Variants in ADGRE2 observed in about 807,000 individuals in gnomAD.
The protein encoded by ADGRE2 is CD97 antigen.
Under a neutral mutation model 100.8 loss-of-function variants are expected in ADGRE2, and 83 were observed. The ratio of observed to expected loss-of-function variants is 0.82; its 90% CI spans 0.69 to 0.99. The LOEUF (loss-of-function observed/expected upper bound fraction) is 0.99, where lower values mean the gene tolerates loss of function less well. Among genes scored for constraint, ADGRE2 ranks in the 50% least tolerant of loss-of-function variants. The pLI, the probability that ADGRE2 is intolerant of heterozygous loss-of-function variation, is 0.00. For missense variants in ADGRE2, 814 were observed against 1,035.7 expected (o/e 0.79, Z 2.94); for synonymous variants, 355 against 413.0 (o/e 0.86, Z 1.70).
intron 15 of ADGRE2, among the ~76,000 whole-genome samples, chr19:14,751,945 TTTTTTG>T (rs1477919028): frequency 4.3e-4 from 50 of 115,620 alleles, no homozygotes; most frequent in Non-Finnish European, 8.7e-4. Context: ...TTTTTTTTTT[TTTTTTG>T]AGACGGAATT....
At chr19:14,754,191 G>C (rs1408763730) in intron 14 of ADGRE2, among the ~76,000 whole-genome samples, 1 of 152,016 alleles carries the variant, frequency 6.6e-6, no homozygotes, top group Non-Finnish European at 1.5e-5. Flanking sequence ...TCTGGGACTC[G>C]GACTGGCTCT....
At chr19:14,751,927 ATATATTT>A (rs1216853407) in intron 15 of ADGRE2, among the ~76,000 whole-genome samples, 2,064 of 75,430 alleles carry the variant, frequency 0.027, 11 homozygotes, top group African/African-American at 0.061. Context: ...ATATATATAT[ATATATTT>A]TTTTTTTTTT....
chr19:14,742,502 G>A (rs1360512949), intron 20 of ADGRE2, among the ~76,000 whole-genome samples: 1 of 152,168 alleles, frequency 6.6e-6, no homozygotes, highest in Non-Finnish European at 1.5e-5. Context: ...AAAGTGCTGG[G>A]ATTACAGGCA....
chr19:14,736,273 G>T, intron 20 of ADGRE2, 29 bp from the exon 21 acceptor site: 3 of 1,447,002 alleles, frequency 2.1e-6, no homozygotes, highest in Non-Finnish European at 1.9e-6. Flanking sequence ...TATGTATTTT[G>T]TTGTTGAGAC....
chr19:14,728,019 G>A (rs989438428), downstream of ADGRE2, among the ~76,000 whole-genome samples: 39 of 152,278 alleles, frequency 2.6e-4, no homozygotes, highest in Admixed American at 7.2e-4. Context: ...TCAGGAGATC[G>A]AGACCATCCT....
Position 14,752,384 on chromosome 19 carries a change from C to T in ADGRE2, c.1733G>A (p.Cys578Tyr). Residue 578 changes from cysteine (C) to tyrosine (Y), a missense_variant, in exon 15 of 21, where the codon TGC (cysteine) becomes TAC (tyrosine). Physicochemically the swap from Cys to Tyr is radical, Grantham distance 194. Coordinates refer to ENST00000315576, the MANE Select transcript of ADGRE2 (RefSeq NM_013447.4). ...STSLHLQLSL[C>Y]LFLAHLLFLV... ...GAAGAGGAGGTGGGCCAGGAAGAGGCAGAGCGAGAGCTGCAGATGCAGTGA... is the reference window on the plus strand; with the variant it reads ...GAAGAGGAGGTGGGCCAGGAAGAGGTAGAGCGAGAGCTGCAGATGCAGTGA... The T allele has an allele frequency of 6.2e-7, 1 of 1,614,152 alleles. No homozygotes were observed. Among genetic ancestry groups the T allele is most frequent in the Non-Finnish European group, 8.5e-7 (1 of 1,180,028 alleles).
chr19:14,764,334 C>G, intron 11 of ADGRE2, 99 bp downstream of exon 11: 1 of 1,064,802 alleles, frequency 9.4e-7, no homozygotes, highest in Non-Finnish European at 1.4e-6. Flanking sequence ...GAGAGTAACA[C>G]TGATATACAG....
intron 20 of ADGRE2, among the ~76,000 whole-genome samples, chr19:14,740,528 G>A (rs1313148378): frequency 2.6e-5 from 4 of 151,064 alleles, no homozygotes; most frequent in African/African-American, 4.9e-5. Context: ...GGTGGAGGCA[G>A]GAGAATCGCT....
In ADGRE2 at chr19:14,773,378, C is replaced by T. The variant is rs529427061; in HGVS notation, c.199+560G>A. The stretch of plus-strand genomic sequence containing the variant: ...CCTCTCTCTCTTTTTCTTTTCTTCT[C>T]TTTTCTTTCTCTCCTTCTCTCTTTC... On this transcript the variant is annotated intron_variant, in intron 4 of 20. Transcript: ENST00000315576. Among the ~76,000 whole-genome samples the T allele has an allele frequency of 2.3e-4, 27 of 118,070 alleles. No homozygotes were observed. The South Asian group carries it at 4.3e-3, about 19-fold the overall frequency. The allele number at this position is 118,070 out of a possible 152,430, so 77.5% of individuals were successfully genotyped here. A position where few individuals can be genotyped will look rare whatever the true frequency, so the allele number is the denominator to read the frequency against.
chr19:14,778,378 C>T lies in ADGRE2; in HGVS notation c.-293G>A. 2 of 440,458 alleles carry T rather than the reference C, an allele frequency of 4.5e-6. No homozygotes were observed. The highest frequency in any genetic ancestry group is 6.0e-6 in the Non-Finnish European group (2 of 331,560). 27.3% of individuals were successfully genotyped at this position (440,458 alleles called of 1,614,324 possible). On this transcript the variant is annotated 5_prime_UTR_variant, in exon 1 of 21. Coordinates refer to ENST00000315576, the MANE Select transcript of ADGRE2 (RefSeq NM_013447.4). Reference sequence around the variant, plus strand: ...GAGCTAAGATGGTGCCACTGCACTCCAGCTTGGGTGATAGAGTGAGACCCT... The same window carrying T: ...GAGCTAAGATGGTGCCACTGCACTCTAGCTTGGGTGATAGAGTGAGACCCT...
Position 14,746,216 on chromosome 19 carries a change from C to T in ADGRE2, c.2183+16G>A. 1 of 1,470,140 alleles carries T rather than the reference C, an allele frequency of 6.8e-7. No individual in the cohort carries two copies. Among genetic ancestry groups the T allele is most frequent in the Middle Eastern group, 1.7e-4 (1 of 5,784 alleles). 91.1% of individuals were successfully genotyped at this position (1,470,140 alleles called of 1,614,324 possible). A position where few individuals can be genotyped will look rare whatever the true frequency, so the allele number is the denominator to read the frequency against. On this transcript the variant is annotated intron_variant, in intron 18 of 20. Coordinates refer to ENST00000315576, the MANE Select transcript of ADGRE2 (RefSeq NM_013447.4). The stretch of plus-strand genomic sequence containing the variant: ...CATACATGTCTGTGTGGTTATCACC[C>T]CCTTCTCCATCTTACCTTGTGTTCC...
At chr19:14,727,198 T>G in the ADGRE2 span, among the ~76,000 whole-genome samples, 1 of 152,062 alleles carries the variant, frequency 6.6e-6, no homozygotes, top group Non-Finnish European at 1.5e-5. Flanking sequence ...TGGCTAATTT[T>G]TTTGTATTTT....
intron 11 of ADGRE2, among the ~76,000 whole-genome samples, chr19:14,759,521 G>T (rs2335219): frequency 0.3 from 36,432 of 122,470 alleles, 5,125 homozygotes; most frequent in Admixed American, 0.39. Flanking sequence ...TTTTTAGACG[G>T]AGTCTCACTC....
chr19:14,738,442 G>A (rs2042823695), intron 20 of ADGRE2, among the ~76,000 whole-genome samples: 1 of 152,046 alleles, frequency 6.6e-6, no homozygotes, highest in South Asian at 2.1e-4. Flanking sequence ...GCAGTGATGG[G>A]ATCATAGCTC....
chr19:14,772,066 G>A, intron 5 of ADGRE2: 1 of 489,288 alleles, frequency 2.0e-6, no homozygotes, highest in Admixed American at 3.4e-5. Flanking sequence ...GTAAACCAAG[G>A]CTCTAAGAGC....
chr19:14,758,741 T>C (rs1203818507), intron 11 of ADGRE2, among the ~76,000 whole-genome samples: 2 of 151,732 alleles, frequency 1.3e-5, no homozygotes, highest in Non-Finnish European at 2.9e-5. Context: ...AAAAATTAGC[T>C]GGGCATGGTG....
At chr19:14,770,644 CTT>C (rs997331717) in intron 5 of ADGRE2, among the ~76,000 whole-genome samples, 2 of 128,130 alleles carry the variant, frequency 1.6e-5, no homozygotes, top group Non-Finnish European at 3.5e-5. Flanking sequence ...TTCTGTTTCT[CTT>C]TTTCTTTTTG....
In ADGRE2 at chr19:14,776,786, C is replaced by T. The variant is rs775753877; in HGVS notation, c.-30G>A. On this transcript the variant is annotated 5_prime_UTR_variant, in exon 2 of 21. Transcript: ENST00000315576. ...CCAGCTGAGCTGCCGGCAGGAGCAG[C>T]AGGGGAAAGAGTGAGTGGGACAGGG... 2.2e-5 allele frequency: 35 copies of T among 1,612,414 alleles called. No homozygotes were observed. The highest frequency in any genetic ancestry group is 6.7e-5 in the Admixed American group (4 of 59,862).
At chr19:14,773,672 C>T (rs1021802487) in intron 4 of ADGRE2, among the ~76,000 whole-genome samples, 4 of 151,912 alleles carry the variant, frequency 2.6e-5, no homozygotes, top group South Asian at 4.2e-4. Flanking sequence ...CCACCATGCG[C>T]GGCTATTTTG....
Sources: allele counts gnomAD v4.1 joint callset (sites outside exome capture counted in the v4.1 genomes callset), GRCh38; gene constraint gnomAD v4.1.1; transcripts MANE v1.5; gene names NCBI Gene and HGNC (gene_info 2026-07-23, HGNC 2026-07-21).